The following COMMD10 variants were observed in gnomAD, a reference collection of about 807,000 sequenced individuals.
COMMD10 encodes the protein COMM domain-containing protein 10.
Under a neutral mutation model 28.9 loss-of-function variants are expected in COMMD10, and 33 were observed. The observed-to-expected ratio is 1.14, with a 90% confidence interval of 0.87 to 1.53. The LOEUF is 1.53. Ranked by LOEUF, COMMD10 falls within the 40% of genes most tolerant of loss-of-function variation. COMMD10 has a pLI of 0.00. For missense variants in COMMD10, 310 were observed against 233.4 expected (o/e 1.33, Z -2.14); for synonymous variants, 110 against 81.7 (o/e 1.35, Z -1.87).
chr5:116,263,035 A>G (rs1449396012), intron 5 of COMMD10, among the ~76,000 whole-genome samples: 1 of 151,802 alleles, frequency 6.6e-6, no homozygotes, highest in African/African-American at 2.4e-5. Flanking sequence ...ATATTTTTTA[A>G]TAGTTTGCTT....
intron 4 of COMMD10, among the ~76,000 whole-genome samples, chr5:116,124,555 G>T (rs1561615327): frequency 1.3e-5 from 2 of 152,136 alleles, no homozygotes; most frequent in Admixed American, 6.6e-5. Context: ...GTTGATTTGG[G>T]GTGGAGAGTT....
chr5:116,154,898 G>T lies in COMMD10; in HGVS notation c.510+20720G>T, dbSNP rs1335877549. On this transcript the variant is annotated intron_variant, in intron 5 of 6. Coordinates refer to ENST00000274458, the MANE Select transcript of COMMD10 (RefSeq NM_016144.4). ...CAGAGACAAGGCTGTTCTTGAGAGG[G>T]AGCGGGAGTGCTTTGGGAAAGTACC... is the stretch of plus-strand genomic sequence containing the variant. Among the ~76,000 whole-genome samples the T allele has an allele frequency of 2.0e-5, 3 of 152,044 alleles. No homozygotes were observed. In the East Asian group the frequency reaches 5.8e-4, roughly 29 times the overall value.
chr5:116,270,792 T>A (rs1247098792), intron 5 of COMMD10, among the ~76,000 whole-genome samples: 1 of 151,510 alleles, frequency 6.6e-6, no homozygotes, highest in Non-Finnish European at 1.5e-5. Flanking sequence ...GAAGAATTAG[T>A]TGGGCTTGAT....
intron 5 of COMMD10, among the ~76,000 whole-genome samples, chr5:116,243,692 A>C (rs567099732): frequency 6.6e-6 from 1 of 152,286 alleles, no homozygotes; most frequent in East Asian, 1.9e-4. Flanking sequence ...CAAGTCAAAA[A>C]CATTTTGCCA....
intron 5 of COMMD10, among the ~76,000 whole-genome samples, chr5:116,227,186 G>A (rs944632552): frequency 2.0e-5 from 3 of 151,876 alleles, no homozygotes; most frequent in South Asian, 2.1e-4. Context: ...GATTTAGCTC[G>A]CTTTTAACAG....
intron 5 of COMMD10, among the ~76,000 whole-genome samples, chr5:116,218,602 ATATGGGG>A (rs1377368054): frequency 6.6e-6 from 1 of 152,204 alleles, no homozygotes; most frequent in African/African-American, 2.4e-5. Flanking sequence ...TAGGACAGGT[ATATGGGG>A]TAGTGGTAAG....
intron 4 of COMMD10, among the ~76,000 whole-genome samples, chr5:116,094,496 A>G (rs60319156): frequency 0.011 from 1,624 of 152,330 alleles, 28 homozygotes; most frequent in African/African-American, 0.036. Context: ...TAGAATGGCT[A>G]TTATTAAAAA....
chr5:116,093,327 G>A (rs141767274), intron 4 of COMMD10, among the ~76,000 whole-genome samples: 4 of 152,180 alleles, frequency 2.6e-5, no homozygotes, highest in African/African-American at 4.8e-5. Context: ...AAAAGAGAAT[G>A]CTAGAGTTCA....
At chr5:116,164,982 GAA>G (rs1753043761) in intron 5 of COMMD10, among the ~76,000 whole-genome samples, 1 of 152,194 alleles carries the variant, frequency 6.6e-6, no homozygotes, top group Non-Finnish European at 1.5e-5. Context: ...GCCAAGACAT[GAA>G]AAGTCAGTGA....
At chr5:116,129,408 T>G (rs575903857) in intron 4 of COMMD10, among the ~76,000 whole-genome samples, 1 of 142,106 alleles carries the variant, frequency 7.0e-6, no homozygotes, top group African/African-American at 2.6e-5. Flanking sequence ...CTATATACTA[T>G]GTAATATACA....
At chr5:116,225,049 G>T (rs1749356124) in intron 5 of COMMD10, among the ~76,000 whole-genome samples, 1 of 152,020 alleles carries the variant, frequency 6.6e-6, no homozygotes, top group Admixed American at 6.6e-5. Context: ...TAATGCAGTT[G>T]TACTGATTCT....
Position 116,170,314 on chromosome 5 carries a change from A to G in COMMD10, c.510+36136A>G, listed in dbSNP as rs114141348. Among the ~76,000 whole-genome samples, 730 of 152,336 alleles carry G rather than the reference A, an allele frequency of 4.8e-3. 4 individuals are homozygous for G. Among genetic ancestry groups the G allele is most frequent in the Non-Finnish European group, 7.6e-3 (519 of 68,036 alleles). On this transcript the variant is annotated intron_variant, in intron 5 of 6. Transcript: ENST00000274458. ...AAAGACCTCTTCAAGGGGAACTGCA[A>G]ACAACTTCTCAAGGAAATGAGAGGA...
intron 5 of COMMD10, among the ~76,000 whole-genome samples, chr5:116,156,334 C>G (rs1032392618): frequency 2.0e-5 from 3 of 152,214 alleles, no homozygotes; most frequent in African/African-American, 7.2e-5. Flanking sequence ...GGCTCAAATT[C>G]TGATCTGAAA....
intron 5 of COMMD10, among the ~76,000 whole-genome samples, chr5:116,287,731 T>C (rs1751256326): frequency 6.6e-6 from 1 of 151,810 alleles, no homozygotes; most frequent in East Asian, 1.9e-4. Context: ...GTGTGTATTC[T>C]ACAGATATTT....
At chr5:116,095,859 G>A (rs1750451543) in intron 4 of COMMD10, among the ~76,000 whole-genome samples, 1 of 151,954 alleles carries the variant, frequency 6.6e-6, no homozygotes, top group African/African-American at 2.4e-5. Flanking sequence ...GCTCCAATGT[G>A]ATTTGTTGTT....
intron 5 of COMMD10, among the ~76,000 whole-genome samples, chr5:116,242,552 G>A (rs1346447740): frequency 6.6e-6 from 1 of 152,106 alleles, no homozygotes; most frequent in Admixed American, 6.6e-5. Flanking sequence ...GTAGCTAGTG[G>A]CCTGCTTCCA....
At chr5:116,214,650 A>T (rs749620731) in intron 5 of COMMD10, among the ~76,000 whole-genome samples, 7 of 152,120 alleles carry the variant, frequency 4.6e-5, no homozygotes, top group Non-Finnish European at 8.8e-5. Context: ...AATTGCATTG[A>T]AATCTCTTTT....
chr5:116,269,381 C>T (rs1750694808), intron 5 of COMMD10, among the ~76,000 whole-genome samples: 1 of 151,800 alleles, frequency 6.6e-6, no homozygotes. Context: ...AATTTATGAA[C>T]CAAGTTATAC....
intron 5 of COMMD10, among the ~76,000 whole-genome samples, chr5:116,188,164 A>G (rs1387181301): frequency 6.6e-6 from 1 of 152,152 alleles, no homozygotes; most frequent in Non-Finnish European, 1.5e-5. Flanking sequence ...ATTAGTACTC[A>G]TGATGGAGAG....
Sources: allele counts gnomAD v4.1 joint callset (sites outside exome capture counted in the v4.1 genomes callset), GRCh38; gene constraint gnomAD v4.1.1; transcripts MANE v1.5; gene names NCBI Gene and HGNC (gene_info 2026-07-23, HGNC 2026-07-21).